The following UQCC5 variants were observed in gnomAD, a reference collection of about 807,000 sequenced individuals.
The protein encoded by UQCC5 is ubiquinol-cytochrome c reductase complex assembly factor 5.
At chr3:52,539,393 C>T in the UQCC5 span, among the ~76,000 whole-genome samples, 108 of 152,136 alleles carry the variant, frequency 7.1e-4, no homozygotes, top group East Asian at 5.8e-4. Context: ...GGAAAGGTAA[C>T]GGGGGTTGTG....
chr3:52,539,038 T>C, the UQCC5 span, among the ~76,000 whole-genome samples: 1 of 152,022 alleles, frequency 6.6e-6, no homozygotes, highest in Non-Finnish European at 1.5e-5. Context: ...TTCCTTATGA[T>C]GACTTTCCTC....
At chr3:52,539,346 C>T in the UQCC5 span, among the ~76,000 whole-genome samples, 1 of 152,108 alleles carries the variant, frequency 6.6e-6, no homozygotes, top group Non-Finnish European at 1.5e-5. Flanking sequence ...GGCCAAGGAC[C>T]TGGGGAAGAA....
At chr3:52,539,399 T>C in the UQCC5 span, among the ~76,000 whole-genome samples, 1 of 150,166 alleles carries the variant, frequency 6.7e-6, no homozygotes, top group African/African-American at 2.5e-5. Flanking sequence ...GTAACGGGGG[T>C]TGTGGTATGA....
At chr3:52,540,551 A>G in the UQCC5 span, 3 of 1,176,486 alleles carry the variant, frequency 2.5e-6, no homozygotes, top group East Asian at 8.1e-5. Flanking sequence ...GCCTTTTAAA[A>G]TATACTTTTC....
chr3:52,540,172 C>T, the UQCC5 span, among the ~76,000 whole-genome samples: 1 of 152,234 alleles, frequency 6.6e-6, no homozygotes, highest in African/African-American at 2.4e-5. Context: ...CATCTTAAAA[C>T]ACTAAGAGAT....
the UQCC5 span, chr3:52,536,688 G>C: frequency 1.3e-6 from 2 of 1,535,466 alleles, no homozygotes; most frequent in Middle Eastern, 2.2e-4. Flanking sequence ...GGGCGGGGCG[G>C]TCTCGGCTGC....
the UQCC5 span, chr3:52,537,047 C>T: frequency 8.4e-7 from 1 of 1,195,224 alleles, no homozygotes; most frequent in Non-Finnish European, 1.2e-6. Context: ...ATTCGCTTGG[C>T]AGTCAGGGCG....
the UQCC5 span, among the ~76,000 whole-genome samples, chr3:52,537,832 C>A: frequency 6.6e-6 from 1 of 151,706 alleles, no homozygotes; most frequent in Non-Finnish European, 1.5e-5. Context: ...TAAAGTAGGA[C>A]CTGAAGACTG....
chr3:52,537,893 C>T, the UQCC5 span, among the ~76,000 whole-genome samples: 1 of 152,134 alleles, frequency 6.6e-6, no homozygotes, highest in East Asian at 1.9e-4. Flanking sequence ...AAAGCATCTC[C>T]ATGGCAGTGG....
the UQCC5 span, among the ~76,000 whole-genome samples, chr3:52,539,839 A>G: frequency 1.3e-5 from 2 of 152,114 alleles, no homozygotes; most frequent in African/African-American, 4.8e-5. Context: ...GGGTTTCACC[A>G]TACTGGCCAG....
the UQCC5 span, chr3:52,540,535 T>G: frequency 2.3e-6 from 3 of 1,299,388 alleles, no homozygotes; most frequent in Non-Finnish European, 3.2e-6. Flanking sequence ...TACTATTGGT[T>G]TCAGTGCCTT....
the UQCC5 span, chr3:52,536,744 C>T: frequency 2.6e-6 from 4 of 1,551,838 alleles, no homozygotes; most frequent in South Asian, 4.8e-5. Flanking sequence ...CTCTCCACGA[C>T]CTCGGTCGAG....
chr3:52,538,623 G>A, the UQCC5 span, among the ~76,000 whole-genome samples: 3 of 152,078 alleles, frequency 2.0e-5, no homozygotes, highest in East Asian at 1.9e-4. Flanking sequence ...CACCACGCCC[G>A]GCTAATTTTG....
the UQCC5 span, chr3:52,540,725 T>C: frequency 2.6e-6 from 1 of 391,646 alleles, no homozygotes; most frequent in African/African-American, 2.1e-5. Flanking sequence ...ACTCACTCGA[T>C]GAATCTAGTC....
At chr3:52,536,704 G>T in the UQCC5 span, 2 of 1,544,934 alleles carry the variant, frequency 1.3e-6, no homozygotes, top group East Asian at 2.5e-5. Context: ...GCTGCGTCCG[G>T]GCGATCCAGT....
At chr3:52,540,311 A>T in the UQCC5 span, 1 of 753,942 alleles carries the variant, frequency 1.3e-6, no homozygotes, top group Non-Finnish European at 2.1e-6. Context: ...GTTAAATATT[A>T]ATGCCAAGAT....
the UQCC5 span, among the ~76,000 whole-genome samples, chr3:52,539,673 C>A: frequency 9.5e-5 from 14 of 147,232 alleles, no homozygotes; most frequent in African/African-American, 3.5e-4. Context: ...GAGTCTTGGT[C>A]TGTCACCCAG....
chr3:52,540,407 CT>C, the UQCC5 span: 1 of 1,510,398 alleles, frequency 6.6e-7, no homozygotes. Flanking sequence ...ATCTGAGCAA[CT>C]TTTTGTTTGA....
chr3:52,536,767 G>C, the UQCC5 span: 2 of 1,551,846 alleles, frequency 1.3e-6, no homozygotes, highest in African/African-American at 1.4e-5. Flanking sequence ...TGTTCACCAG[G>C]GCCCAGGTGA....
Sources: allele counts gnomAD v4.1 joint callset (sites outside exome capture counted in the v4.1 genomes callset), GRCh38; gene constraint gnomAD v4.1.1; transcripts MANE v1.5; gene names NCBI Gene and HGNC (gene_info 2026-07-23, HGNC 2026-07-21).